Variants in BTBD9 observed in about 807,000 individuals in gnomAD.
BTBD9 encodes the protein BTB/POZ domain-containing protein 9.
In BTBD9, 49 loss-of-function variants were observed where a neutral mutation model predicts 64.3. The ratio of observed to expected loss-of-function variants is 0.76; its 90% CI spans 0.61 to 0.97. The LOEUF (loss-of-function observed/expected upper bound fraction) is 0.97, where lower values mean the gene tolerates loss of function less well. BTBD9 is among the 50% of genes least tolerant of loss of function. The probability of loss-of-function intolerance (pLI) is 0.00; values close to 1 mark genes in which losing one functional copy is unlikely to be tolerated. For synonymous variants in BTBD9, 260 were observed against 274.7 expected, an observed-to-expected ratio of 0.95 and a Z score of 0.53; for missense variants, 598 against 762.1, an observed-to-expected ratio of 0.78 and a Z score of 2.53.
At chr6:38,257,196 C>G (rs1332626039) in intron 8 of BTBD9, among the ~76,000 whole-genome samples, 1 of 151,200 alleles carries the variant, frequency 6.6e-6, no homozygotes, top group African/African-American at 2.4e-5. Flanking sequence ...AGCCACCGTG[C>G]CCAGCCTAAT....
chr6:38,547,345 G>A (rs1233355617), intron 6 of BTBD9, among the ~76,000 whole-genome samples: 4 of 152,120 alleles, frequency 2.6e-5, no homozygotes, highest in Admixed American at 2.6e-4. Context: ...TGGGAGGATC[G>A]CTTAAGCCTG....
intron 8 of BTBD9, among the ~76,000 whole-genome samples, chr6:38,283,475 CTG>C (rs1208056480): frequency 6.6e-6 from 1 of 152,110 alleles, no homozygotes; most frequent in African/African-American, 2.4e-5. Context: ...AAGCAAGACC[CTG>C]TCTCTACAAA....
chr6:38,188,148 T>C (rs1367688567), intron 10 of BTBD9, among the ~76,000 whole-genome samples: 3 of 152,330 alleles, frequency 2.0e-5, no homozygotes, highest in Admixed American at 6.5e-5. Flanking sequence ...CTGCCTGCTG[T>C]CCGCCTTCTC....
chr6:38,335,744 A>T (rs1562041622), intron 7 of BTBD9, among the ~76,000 whole-genome samples: 1 of 144,732 alleles, frequency 6.9e-6, no homozygotes, highest in East Asian at 2.1e-4. Context: ...TTATTTATTT[A>T]TTTTTTTGAG....
chr6:38,469,623 C>A (rs746145782), intron 6 of BTBD9, among the ~76,000 whole-genome samples: 18 of 152,114 alleles, frequency 1.2e-4, no homozygotes, highest in Admixed American at 2.0e-4. Context: ...CCGGCAGGAA[C>A]CCACTCTTAA....
intron 8 of BTBD9, among the ~76,000 whole-genome samples, chr6:38,281,433 TTTA>T (rs1228996013): frequency 2.6e-5 from 4 of 152,190 alleles, no homozygotes; most frequent in Admixed American, 2.6e-4. Flanking sequence ...ATGTAATTCT[TTTA>T]TTATTATTAT....
intron 6 of BTBD9, among the ~76,000 whole-genome samples, chr6:38,422,651 T>G (rs1767960297): frequency 6.6e-6 from 1 of 152,156 alleles, no homozygotes; most frequent in African/African-American, 2.4e-5. Context: ...CTATATCTTC[T>G]ATGAAAAATA....
At chr6:38,612,999 G>A (rs1264259323) in intron 1 of BTBD9, 2 of 152,160 alleles carry the variant, frequency 1.3e-5, no homozygotes, top group African/African-American at 4.8e-5. Flanking sequence ...TGGCTACCGA[G>A]CACTTGAAAT....
At chr6:38,281,453 A>G (rs1439312488) in intron 8 of BTBD9, among the ~76,000 whole-genome samples, 2 of 152,216 alleles carry the variant, frequency 1.3e-5, no homozygotes, top group African/African-American at 4.8e-5. Flanking sequence ...TTATTTTTTT[A>G]GGATCAACTT....
chr6:38,631,810 C>T (rs1739625), intron 1 of BTBD9, among the ~76,000 whole-genome samples: 56,854 of 152,076 alleles, frequency 0.37, 10,834 homozygotes, highest in African/African-American at 0.44. Flanking sequence ...GAATTCCTGA[C>T]CCACAGAAAT....
At chr6:38,330,044 T>A (rs1459486590) in intron 7 of BTBD9, among the ~76,000 whole-genome samples, 2 of 134,758 alleles carry the variant, frequency 1.5e-5, no homozygotes, top group Non-Finnish European at 3.3e-5. Flanking sequence ...TGTTTCCTTT[T>A]TTTCTTTTCT....
intron 6 of BTBD9, among the ~76,000 whole-genome samples, chr6:38,559,115 G>A (rs1775156054): frequency 6.6e-6 from 1 of 151,976 alleles, no homozygotes; most frequent in Non-Finnish European, 1.5e-5. Context: ...GTTTGTTCAG[G>A]GTTTCAATTT....
chr6:38,400,294 CT>C (rs1028485748), intron 6 of BTBD9, among the ~76,000 whole-genome samples: 1 of 152,086 alleles, frequency 6.6e-6, no homozygotes, highest in Non-Finnish European at 1.5e-5. Flanking sequence ...TAATCAGCCC[CT>C]CTTATCTCCC....
chr6:38,301,293 T>C (rs186827899), intron 7 of BTBD9, among the ~76,000 whole-genome samples: 138 of 152,354 alleles, frequency 9.1e-4, no homozygotes, highest in African/African-American at 3.2e-3. Context: ...TGCATCAATG[T>C]TCATCAAGGA....
intron 9 of BTBD9, among the ~76,000 whole-genome samples, chr6:38,218,600 A>G (rs1763090665): frequency 6.6e-6 from 1 of 152,194 alleles, no homozygotes; most frequent in Non-Finnish European, 1.5e-5. Flanking sequence ...GTGCCATTCC[A>G]GTAGGTGTGG....
chr6:38,259,148 T>C (rs1307486950), intron 8 of BTBD9, among the ~76,000 whole-genome samples: 2 of 152,244 alleles, frequency 1.3e-5, no homozygotes, highest in African/African-American at 4.8e-5. Flanking sequence ...TCTAACCTGG[T>C]ACCTTCACCA....
intron 9 of BTBD9, among the ~76,000 whole-genome samples, chr6:38,247,469 C>A (rs1764248122): frequency 6.6e-6 from 1 of 152,224 alleles, no homozygotes; most frequent in Non-Finnish European, 1.5e-5. Flanking sequence ...GGACTCCACA[C>A]ATGTCTTTCC....
chr6:38,434,283 AC>A (rs1408540789), intron 6 of BTBD9, among the ~76,000 whole-genome samples: 1 of 151,996 alleles, frequency 6.6e-6, no homozygotes. Context: ...TGAATAGAAA[AC>A]ATTCGTCATC....
chr6:38,535,957 C>A (rs1774004903), intron 6 of BTBD9, among the ~76,000 whole-genome samples: 1 of 152,026 alleles, frequency 6.6e-6, no homozygotes, highest in African/African-American at 2.4e-5. Context: ...GAGTAATCCT[C>A]CAAAAGCATA....
Sources: allele counts gnomAD v4.1 joint callset (sites outside exome capture counted in the v4.1 genomes callset), GRCh38; gene constraint gnomAD v4.1.1; transcripts MANE v1.5; gene names NCBI Gene and HGNC (gene_info 2026-07-23, HGNC 2026-07-21).